The following ANKRD18B variants were observed in gnomAD, a reference collection of about 807,000 sequenced individuals.
ANKRD18B encodes the protein ankyrin repeat domain 18B, also known as ankyrin repeat domain-containing protein 18B.
In ANKRD18B, 75 loss-of-function variants were observed where a neutral mutation model predicts 111.8. That is an observed-to-expected ratio of 0.67 (90% CI 0.56 to 0.81). ANKRD18B has a LOEUF of 0.81. Among genes scored for constraint, ANKRD18B ranks in the 40% least tolerant of loss-of-function variants. The probability of loss-of-function intolerance (pLI) is 0.00; values close to 1 mark genes in which losing one functional copy is unlikely to be tolerated. For synonymous variants in ANKRD18B, 356 were observed against 417.3 expected, an observed-to-expected ratio of 0.85 and a Z score of 1.79; for missense variants, 1,038 against 1,225.5, an observed-to-expected ratio of 0.85 and a Z score of 2.28.
At chr9:33,543,691 A>G (rs1828316445) in intron 10 of ANKRD18B, among the ~76,000 whole-genome samples, 2 of 152,098 alleles carry the variant, frequency 1.3e-5, no homozygotes, top group African/African-American at 2.4e-5. Flanking sequence ...GAGGTTAAAG[A>G]CTTCTTCTGT....
chr9:33,564,779 T>C (rs1828661356), intron 14 of ANKRD18B, among the ~76,000 whole-genome samples: 1 of 152,224 alleles, frequency 6.6e-6, no homozygotes, highest in Non-Finnish European at 1.5e-5. Context: ...TTGATTTGTA[T>C]TTCCCTGATG....
Position 33,566,510 on chromosome 9 carries a change from T to C in ANKRD18B, c.2742+10T>C. The C allele has an allele frequency of 1.2e-6, 2 of 1,601,218 alleles. No individual in the cohort carries two copies. Among genetic ancestry groups the C allele is most frequent in the Non-Finnish European group, 1.7e-6 (2 of 1,177,100 alleles). ...AGAAATCCATTTACAGGTTAGTTTT[T>C]AAAATCAGGTAAGTTTATCTGTAAT... is the stretch of plus-strand genomic sequence containing the variant. On this transcript the variant is annotated intron_variant, in intron 15 of 18. Coordinates refer to ENST00000684830, the MANE Select transcript of ANKRD18B (RefSeq NM_001393611.1).
intron 14 of ANKRD18B, among the ~76,000 whole-genome samples, chr9:33,564,134 T>G (rs577133179): frequency 3.2e-4 from 48 of 152,306 alleles, no homozygotes; most frequent in Non-Finnish European, 5.3e-4. Context: ...CCTGTCTGAT[T>G]TTTTACTTTG....
At chr9:33,566,137 C>T in intron 14 of ANKRD18B, 82 bp from the exon 15 acceptor site, 1 of 1,196,856 alleles carries the variant, frequency 8.4e-7, no homozygotes, top group African/African-American at 1.5e-5. Flanking sequence ...CAAGTGGATG[C>T]ATTTCAAAAT....
At chr9:33,558,255 C>T (rs1828556182) in intron 14 of ANKRD18B, 68 bp downstream of exon 14, 25 of 1,506,236 alleles carry the variant, frequency 1.7e-5, no homozygotes, top group Non-Finnish European at 2.2e-5. Flanking sequence ...AGGTTTGTTA[C>T]ATAGGTAAAT....
At chr9:33,561,479 C>G (rs1367012339) in intron 14 of ANKRD18B, among the ~76,000 whole-genome samples, 1 of 152,180 alleles carries the variant, frequency 6.6e-6, no homozygotes, top group Non-Finnish European at 1.5e-5. Context: ...TTCTTCTACT[C>G]AGTGTCTTAC....
At position 33,572,757 on chromosome 9, in the gene ANKRD18B, TA is replaced by T; in HGVS notation, c.*326del. 2 of 1,002,370 alleles carry T rather than the reference TA, an allele frequency of 2.0e-6. No homozygotes were observed. Among genetic ancestry groups the T allele is most frequent in the Non-Finnish European group, 2.4e-6 (2 of 838,066 alleles). 62.1% of individuals were successfully genotyped at this position (1,002,370 alleles called of 1,614,324 possible). Reference sequence around the variant, plus strand: ...TTATTACCATATATAGTAGGAGACTTAAAGAGTATCTGCCAGGTTTGTCCAT... The same window carrying T: ...TTATTACCATATATAGTAGGAGACTTAAGAGTATCTGCCAGGTTTGTCCAT... On this transcript the variant is annotated 3_prime_UTR_variant, in exon 19 of 19. Coordinates refer to ENST00000684830, the MANE Select transcript of ANKRD18B (RefSeq NM_001393611.1).
At chr9:33,528,578 G>C (rs1828059800) in intron 1 of ANKRD18B, 149 bp from the exon 2 acceptor site, 7 of 596,604 alleles carry the variant, frequency 1.2e-5, no homozygotes, top group Non-Finnish European at 2.0e-5. Flanking sequence ...GGAGCAGTAA[G>C]AGCTAATAAA....
Position 33,553,204 on chromosome 9 carries a change from A to T in ANKRD18B, c.2218-2504A>T, listed in dbSNP as rs1464503697. The stretch of plus-strand genomic sequence containing the variant: ...AAGTGAGACCCTGACTCTACAAAAA[A>T]AAAAAAAAATTAAACAGCTGGGGCA... On this transcript the variant is annotated intron_variant, in intron 12 of 18. Transcript: ENST00000684830. Among the ~76,000 whole-genome samples, 8 of 151,770 alleles carry T rather than the reference A, an allele frequency of 5.3e-5. No homozygotes were observed. The East Asian group carries it at 1.5e-3, about 29-fold the overall frequency.
At chr9:33,527,342 G>A (rs954871913) in intron 1 of ANKRD18B, among the ~76,000 whole-genome samples, 6 of 115,154 alleles carry the variant, frequency 5.2e-5, no homozygotes, top group Admixed American at 2.6e-4. Flanking sequence ...TTCTTTTTGC[G>A]ACAGAGTCTC....
intron 10 of ANKRD18B, among the ~76,000 whole-genome samples, chr9:33,546,964 G>T (rs1828365527): frequency 6.6e-6 from 1 of 152,052 alleles, no homozygotes; most frequent in African/African-American, 2.4e-5. Context: ...GGCAAACTTT[G>T]GTTCCTCTAT....
intron 18 of ANKRD18B, chr9:33,572,087 C>T (rs939943283): frequency 2.7e-5 from 14 of 521,706 alleles, no homozygotes; most frequent in African/African-American, 9.7e-5. Context: ...TACCTTAGCA[C>T]GTGGCTGTTG....
intron 3 of ANKRD18B, 129 bp from the exon 4 acceptor site, chr9:33,533,310 C>T (rs1218498487): frequency 5.5e-6 from 8 of 1,454,838 alleles, no homozygotes; most frequent in African/African-American, 2.9e-5. Context: ...GTGAAAGGGA[C>T]GGGACTGCTT....
At position 33,528,829 on chromosome 9, in the gene ANKRD18B, A is replaced by G. The variant is rs1828065797; in HGVS notation, c.309A>G (p.Thr103=). The change falls in exon 2 of 19, where the codon ACA becomes ACG. Residue 103 remains threonine (T), a synonymous_variant. Transcript: ENST00000684830. ...ACATCTGTGACAGACTAAACAGGAC[A>G]CCTTTAATGAAGGTATATAGTAGCC... The part of the protein sequence containing the change: ...QINICDRLNR[T]PLMKAVHCQE... The G allele has an allele frequency of 6.2e-7, 1 of 1,607,140 alleles. No individual in the cohort carries two copies. The highest frequency in any genetic ancestry group is 8.5e-7 in the Non-Finnish European group (1 of 1,176,400).
At chr9:33,546,498 CATTTGACTCT>C (rs1375272780) in intron 10 of ANKRD18B, among the ~76,000 whole-genome samples, 2 of 152,114 alleles carry the variant, frequency 1.3e-5, no homozygotes, top group Non-Finnish European at 2.9e-5. Context: ...AAAAATTTAG[CATTTGACTCT>C]ATAGTAGAAG....
At chr9:33,544,848 T>A (rs1044737398) in intron 10 of ANKRD18B, among the ~76,000 whole-genome samples, 17 of 151,868 alleles carry the variant, frequency 1.1e-4, no homozygotes, top group African/African-American at 3.1e-4. Flanking sequence ...AAAAAAAAAA[T>A]TCATTACAAA....
At chr9:33,528,331 G>T (rs773462806) in intron 1 of ANKRD18B, among the ~76,000 whole-genome samples, 15 of 152,184 alleles carry the variant, frequency 9.9e-5, no homozygotes, top group Non-Finnish European at 1.8e-4. Context: ...TTATTGAGTT[G>T]TTGCTTGTTC....
At position 33,528,831 on chromosome 9, in the gene ANKRD18B, C is replaced by A; in HGVS notation, c.311C>A (p.Pro104His). Residue 104 changes from proline (P) to histidine (H), a missense_variant, in exon 2 of 19, where the codon CCT (proline) becomes CAT (histidine). Pro to His is a moderately conservative substitution (Grantham distance 77, BLOSUM62 -2). Transcript: ENST00000684830. ...ATCTGTGACAGACTAAACAGGACAC[C>A]TTTAATGAAGGTATATAGTAGCCAA... Reference protein sequence around the residue: ...INICDRLNRTPLMKAVHCQEE... With the variant: ...INICDRLNRTHLMKAVHCQEE... 2 of 1,607,000 alleles carry A rather than the reference C, an allele frequency of 1.2e-6. No individual in the cohort carries two copies. The highest frequency in any genetic ancestry group is 8.5e-7 in the Non-Finnish European group (1 of 1,176,400).
At chr9:33,561,734 C>T (rs1467110798) in intron 14 of ANKRD18B, among the ~76,000 whole-genome samples, 3 of 152,124 alleles carry the variant, frequency 2.0e-5, no homozygotes, top group Non-Finnish European at 4.4e-5. Context: ...CACATGGATA[C>T]CCAGTTGTTC....
Sources: allele counts gnomAD v4.1 joint callset (sites outside exome capture counted in the v4.1 genomes callset), GRCh38; gene constraint gnomAD v4.1.1; transcripts MANE v1.5; gene names NCBI Gene and HGNC (gene_info 2026-07-23, HGNC 2026-07-21).